DAG1: variants seen among roughly 807,000 people sequenced by gnomAD.
The protein encoded by DAG1 is dystroglycan 1.
Under a neutral mutation model 46.1 loss-of-function variants are expected in DAG1, and 8 were observed. The ratio of observed to expected loss-of-function variants is 0.17; its 90% CI spans 0.10 to 0.31. DAG1 has a LOEUF of 0.31. Ranked by LOEUF, DAG1 falls within the 10% of genes least tolerant of loss-of-function variation. The probability of loss-of-function intolerance (pLI) is 1.00; values close to 1 mark genes in which losing one functional copy is unlikely to be tolerated. For missense variants in DAG1, 1,003 were observed against 1,189.9 expected, an observed-to-expected ratio of 0.84 and a Z score of 2.31; for synonymous variants, 495 against 481.8, an observed-to-expected ratio of 1.03 and a Z score of -0.36.
rs140204495 is a variant in DAG1 at position 49,532,635 on chromosome 3, G to A, written c.2124G>A (p.Thr708=). 64 of 1,613,750 alleles carry A rather than the reference G, an allele frequency of 4.0e-5. No individual in the cohort carries two copies. The highest frequency in any genetic ancestry group is 4.9e-5 in the Non-Finnish European group (58 of 1,179,800). The stretch of plus-strand genomic sequence containing the variant: ...TTAAGGCCACAAGCATCACTGTGAC[G>A]GGCTCTGGCAGTTGTCGGCACCTAC... ...PDFKATSITV[T]GSGSCRHLQF... is the part of the protein sequence containing the mutation. The change falls in exon 3 of 3, where the codon ACG becomes ACA. Residue 708 remains threonine, a synonymous_variant. Coordinates refer to ENST00000308775, the MANE Select transcript of DAG1 (RefSeq NM_004393.6). The surrounding 1 kb of genome is among the most constrained non-coding windows in gnomAD (Gnocchi z 5.4).
rs1426290792 is a variant in DAG1, at chr3:49,532,442, C to T, written c.1931C>T (p.Thr644Ile). 3.7e-6 allele frequency: 6 copies of T among 1,614,216 alleles called. No individual in the cohort carries two copies. Among genetic ancestry groups the T allele is most frequent in the East Asian group, 4.5e-5 (2 of 44,884 alleles). Residue 644 changes from threonine (T) to isoleucine (I), a missense_variant, in exon 3 of 3, where the codon ACC becomes ATC. By Grantham distance (89) the Thr-to-Ile change is moderately conservative. Coordinates refer to ENST00000308775, the MANE Select transcript of DAG1 (RefSeq NM_004393.6). This position sits in a 1 kb window ranked among gnomAD's most constrained non-coding sequence, Gnocchi z 5.4. ...GCCTTTGGAGACCGAAACTGTAGCA[C>T]CATCACCCTGCAGAATATCACCCGG... ...AFAFGDRNCSTITLQNITRGS... is the reference protein window; with the variant it reads ...AFAFGDRNCSIITLQNITRGS...
At chr3:49,518,017 TG>T (rs1347266454) in intron 2 of DAG1, among the ~76,000 whole-genome samples, 1 of 152,104 alleles carries the variant, frequency 6.6e-6, no homozygotes, top group African/African-American at 2.4e-5. Context: ...GAGAGAGAAG[TG>T]GGTCCGTAAG....
At chr3:49,520,838 C>T (rs547794334) in intron 2 of DAG1, among the ~76,000 whole-genome samples, 1 of 152,178 alleles carries the variant, frequency 6.6e-6, no homozygotes, top group African/African-American at 2.4e-5. Context: ...TGTCTAGAGT[C>T]TTTGCTTGCC....
chr3:49,510,081 T>C (rs1386405274), intron 1 of DAG1: 2 of 255,504 alleles, frequency 7.8e-6, no homozygotes, highest in East Asian at 1.5e-4. Context: ...ATTGTTTACT[T>C]AATATATTTT....
chr3:49,477,153 G>A (rs902159326), intron 1 of DAG1, among the ~76,000 whole-genome samples: 5 of 151,710 alleles, frequency 3.3e-5, no homozygotes, highest in East Asian at 2.0e-4. Context: ...ATGTGCCCCC[G>A]CGCCCAGCTA....
At chr3:49,495,641 G>T (rs2050290996) in intron 1 of DAG1, among the ~76,000 whole-genome samples, 2 of 152,056 alleles carry the variant, frequency 1.3e-5, no homozygotes, top group African/African-American at 2.4e-5. Context: ...GACAGTTAGG[G>T]CCGGGCACAG....
At position 49,531,021 on chromosome 3, in the gene DAG1, C is replaced by T. The variant is rs147153370; in HGVS notation, c.510C>T (p.Ala170=). 26 of 1,614,054 alleles carry T rather than the reference C, an allele frequency of 1.6e-5. No individual in the cohort carries two copies. The highest frequency in any genetic ancestry group is 3.3e-5 in the South Asian group (3 of 91,082). ...GTGAGCTGCAGTCGGTGAGGACAGCCTCCCCAGACCCTGGTGAGGTGGTAT... is the reference window on the plus strand; with the variant it reads ...GTGAGCTGCAGTCGGTGAGGACAGCTTCCCCAGACCCTGGTGAGGTGGTAT... ...DHSELQSVRT[A]SPDPGEVVSS... The change falls in exon 3 of 3, where the codon GCC becomes GCT. Residue 170 remains alanine, a synonymous_variant. Transcript: ENST00000308775. The surrounding 1 kb of genome is among the most constrained non-coding windows in gnomAD (Gnocchi z 7.0).
At position 49,532,207 on chromosome 3, in the gene DAG1, G is replaced by A. The variant is rs549862982; in HGVS notation, c.1696G>A (p.Asp566Asn). The change falls in exon 3 of 3, where the codon GAC becomes AAC. Residue 566 changes from aspartate (D) to asparagine (N), a missense_variant. Asp to Asn is a conservative substitution (Grantham distance 23). This residue lies in a region of DAG1 where 755 missense variants were observed against 854.1 expected (regional missense o/e 0.88). Transcript: ENST00000308775. The surrounding 1 kb of genome is among the most constrained non-coding windows in gnomAD (Gnocchi z 5.4). ...CAGCCAGCTCATGTATGGCCTTCCC[G>A]ACAGCAGCCACGTGGGCAAACACGA... ...SNSQLMYGLPDSSHVGKHEYF... is the reference protein window; with the variant it reads ...SNSQLMYGLPNSSHVGKHEYF... 1.4e-5 allele frequency: 22 copies of A among 1,614,130 alleles called. No homozygotes were observed. Among genetic ancestry groups the A allele is most frequent in the East Asian group, 1.1e-4 (5 of 44,892 alleles).
chr3:49,494,785 C>CCACCG (rs1553645507), intron 1 of DAG1, among the ~76,000 whole-genome samples: 3 of 150,708 alleles, frequency 2.0e-5, no homozygotes, highest in Admixed American at 1.3e-4. Flanking sequence ...CAGGTGCCTG[C>CCACCG]CACCACGCCC....
At position 49,533,585 on chromosome 3, in the gene DAG1, C is replaced by T. The variant is rs554955734; in HGVS notation, c.*386C>T. On this transcript the variant is annotated 3_prime_UTR_variant, in exon 3 of 3. Coordinates refer to ENST00000308775, the MANE Select transcript of DAG1 (RefSeq NM_004393.6). ...CTCTGCGTTTTGCCTTTAACACTAACTGTACTGTTTTTTCTATTCACGTGT... is the reference window on the plus strand; with the variant it reads ...CTCTGCGTTTTGCCTTTAACACTAATTGTACTGTTTTTTCTATTCACGTGT... 103 of 402,040 alleles carry T rather than the reference C, an allele frequency of 2.6e-4. No homozygotes were observed. Among genetic ancestry groups the T allele is most frequent in the African/African-American group, 2.0e-3 (96 of 48,522 alleles). The allele number at this position is 402,040 out of a possible 1,614,324, so 24.9% of individuals were successfully genotyped here. A position where few individuals can be genotyped will look rare whatever the true frequency, so the allele number is the denominator to read the frequency against.
At chr3:49,514,848 GACAC>G (rs1208343544) in intron 2 of DAG1, among the ~76,000 whole-genome samples, 1 of 147,462 alleles carries the variant, frequency 6.8e-6, no homozygotes, top group South Asian at 2.1e-4. Context: ...CACATACATA[GACAC>G]ACACACACAT....
chr3:49,489,787 C>G lies in DAG1; in HGVS notation c.-117+19354C>G, dbSNP rs1333142852. On this transcript the variant is annotated intron_variant, in intron 1 of 2. Coordinates refer to ENST00000308775, the MANE Select transcript of DAG1 (RefSeq NM_004393.6). ...CTTTTAAAGTATCCTCACTTCCCTT[C>G]GTAAACTTGGGAGGGCTTGGGACCT... Among the ~76,000 whole-genome samples, 2 of 151,940 alleles carry G rather than the reference C, an allele frequency of 1.3e-5. 1 individual carries two copies. The highest frequency in any genetic ancestry group is 4.1e-4 in the South Asian group (2 of 4,824).
At chr3:49,508,586 G>GA (rs1163316706) in intron 1 of DAG1, among the ~76,000 whole-genome samples, 16 of 152,136 alleles carry the variant, frequency 1.1e-4, no homozygotes, top group Admixed American at 1.0e-3. Flanking sequence ...TTGTAGTAGA[G>GA]ACGGGGTTTC....
intron 1 of DAG1, among the ~76,000 whole-genome samples, chr3:49,472,664 G>A (rs1176386556): frequency 1.3e-5 from 2 of 151,846 alleles, no homozygotes; most frequent in Non-Finnish European, 1.5e-5. Context: ...AAAATTAGCC[G>A]GGCGTGGTGG....
chr3:49,533,769 G>A lies in DAG1; in HGVS notation c.*570G>A, dbSNP rs957098557. 1.7e-5 allele frequency: 4 copies of A among 231,168 alleles called. No individual in the cohort carries two copies. Among genetic ancestry groups the A allele is most frequent in the African/African-American group, 9.4e-5 (4 of 42,672 alleles). 14.3% of individuals were successfully genotyped at this position (231,168 alleles called of 1,614,324 possible). A position where few individuals can be genotyped will look rare whatever the true frequency, so the allele number is the denominator to read the frequency against. ...TGGGGAATTGCTTTGCTAAAAATAA[G>A]CTCCCAGGGTGTTTCAAACTTAGAG... On this transcript the variant is annotated 3_prime_UTR_variant, in exon 3 of 3. Transcript: ENST00000308775.
intron 1 of DAG1, among the ~76,000 whole-genome samples, chr3:49,473,860 A>G (rs960807982): frequency 6.6e-6 from 1 of 150,576 alleles, no homozygotes; most frequent in African/African-American, 2.4e-5. Context: ...TTGAGATTAC[A>G]GGCGTGAGCC....
At chr3:49,484,345 C>G (rs1377722883) in intron 1 of DAG1, among the ~76,000 whole-genome samples, 1 of 151,976 alleles carries the variant, frequency 6.6e-6, no homozygotes, top group African/African-American at 2.4e-5. Flanking sequence ...AGTGCCAGCC[C>G]TAACCTGACA....
intron 2 of DAG1, among the ~76,000 whole-genome samples, chr3:49,515,224 C>T (rs2050865550): frequency 6.6e-6 from 1 of 151,904 alleles, no homozygotes; most frequent in African/African-American, 2.4e-5. Flanking sequence ...CCTGCCTCGG[C>T]CTCCCAACGT....
chr3:49,515,749 C>T lies in DAG1; in HGVS notation c.285+4930C>T, dbSNP rs75473273. ...TTGGTCCTAAGGATGCTTGTTGAGG[C>T]GACCCCAGTCATCTTGGGCCCACTG... On this transcript the variant is annotated intron_variant, in intron 2 of 2. Transcript: ENST00000308775. Among the ~76,000 whole-genome samples, 820 of 152,168 alleles carry T rather than the reference C, an allele frequency of 5.4e-3. 11 individuals are homozygous for T. The highest frequency in any genetic ancestry group is 0.018 in the African/African-American group (760 of 41,508).
Sources: gnomAD v4.1 joint callset for allele counts (sites outside exome capture counted in the v4.1 genomes callset) on GRCh38, gnomAD v4.1.1 for gene constraint, gnomAD v4.1.1 regional missense constraint, Gnocchi (gnomAD v3.1) non-coding constraint, MANE v1.5 for transcripts, NCBI Gene and HGNC (gene_info 2026-07-23, HGNC 2026-07-21) for gene names.